Variants in STX7 observed in about 807,000 individuals in gnomAD.
STX7 encodes the protein syntaxin-7.
In STX7, 34 loss-of-function variants were observed where a neutral mutation model predicts 39.6. The ratio of observed to expected loss-of-function variants is 0.86; its 90% confidence interval spans 0.65 to 1.14. The LOEUF is 1.14. Among genes scored for constraint, STX7 ranks in the 50% most tolerant of loss-of-function variants. The pLI is 0.00. For missense variants in STX7, 284 were observed against 310.4 expected (o/e 0.92, Z 0.64); for synonymous variants, 119 against 99.1 (o/e 1.20, Z -1.19).
At chr6:132,463,598 T>A (rs1054095991) in intron 9 of STX7, among the ~76,000 whole-genome samples, 1 of 152,104 alleles carries the variant, frequency 6.6e-6, no homozygotes, top group African/African-American at 2.4e-5. Context: ...GCCTCTTTAG[T>A]CCAGTGTGTC....
chr6:132,468,921 A>G (rs531071770), intron 7 of STX7, among the ~76,000 whole-genome samples: 3 of 152,360 alleles, frequency 2.0e-5, no homozygotes, highest in Non-Finnish European at 2.9e-5. Context: ...GTGTAAATTT[A>G]AAGTCTCACA....
chr6:132,458,029 C>A lies in STX7; in HGVS notation c.*2729G>T, dbSNP rs902655039. On this transcript the variant is annotated 3_prime_UTR_variant, in exon 10 of 10. Coordinates refer to ENST00000367941, the MANE Select transcript of STX7 (RefSeq NM_003569.3). The stretch of plus-strand genomic sequence containing the variant: ...ACTATTTTGTACTTTCCTTGCTAAA[C>A]CACAGATGTATTTCATGGAAAGAGG... The A allele has an allele frequency of 2.0e-5, 3 of 152,120 alleles. No homozygotes were observed. Among genetic ancestry groups the A allele is most frequent in the Admixed American group, 2.0e-4 (3 of 15,276 alleles). The allele number at this position is 152,120 out of a possible 1,614,324, so 9.4% of individuals were successfully genotyped here. A position where few individuals can be genotyped will look rare whatever the true frequency, so the allele number is the denominator to read the frequency against.
intron 2 of STX7, among the ~76,000 whole-genome samples, chr6:132,485,407 T>C (rs1775108699): frequency 6.6e-6 from 1 of 152,256 alleles, no homozygotes; most frequent in Non-Finnish European, 1.5e-5. Flanking sequence ...CACTGTATGA[T>C]ACAACACTAT....
At chr6:132,476,264 G>A (rs1774871277) in intron 2 of STX7, among the ~76,000 whole-genome samples, 1 of 152,132 alleles carries the variant, frequency 6.6e-6, no homozygotes. Flanking sequence ...CAGTGAGAAT[G>A]GAAAAAACTG....
intron 3 of STX7, among the ~76,000 whole-genome samples, chr6:132,473,523 T>TG (rs1562325754): frequency 2.7e-5 from 4 of 150,610 alleles, no homozygotes; most frequent in African/African-American, 9.7e-5. Context: ...TTGTGTTGTT[T>TG]TTTTTTTTTT....
chr6:132,495,710 A>G (rs1203957306), intron 2 of STX7, among the ~76,000 whole-genome samples: 1 of 152,162 alleles, frequency 6.6e-6, no homozygotes, highest in Non-Finnish European at 1.5e-5. Flanking sequence ...TGCAAAAACA[A>G]GTGTCCCCTT....
intron 2 of STX7, among the ~76,000 whole-genome samples, chr6:132,502,771 C>T (rs752014231): frequency 5.9e-5 from 9 of 152,140 alleles, no homozygotes; most frequent in South Asian, 2.1e-4. Context: ...TGGTGGCGGG[C>T]GCCTGTAGTC....
intron 2 of STX7, among the ~76,000 whole-genome samples, chr6:132,478,719 A>ATGGATTTAC (rs1240664924): frequency 6.6e-6 from 1 of 152,212 alleles, no homozygotes; most frequent in African/African-American, 2.4e-5. Context: ...TCAAAATGTG[A>ATGGATTTAC]TGGATTTACT....
chr6:132,506,608 C>A (rs1032399197), intron 1 of STX7, among the ~76,000 whole-genome samples: 2 of 151,130 alleles, frequency 1.3e-5, no homozygotes, highest in Non-Finnish European at 3.0e-5. Flanking sequence ...ACATCTTGAA[C>A]GGAAAAAAAA....
rs963398074 is a variant in STX7, at chr6:132,456,411, T to A, written c.*4347A>T. The A allele has an allele frequency of 6.6e-6, 1 of 152,036 alleles. No homozygotes were observed. The highest frequency in any genetic ancestry group is 2.4e-5 in the African/African-American group (1 of 41,380). 9.4% of individuals were successfully genotyped at this position (152,036 alleles called of 1,614,324 possible). On this transcript the variant is annotated 3_prime_UTR_variant, in exon 10 of 10. Coordinates refer to ENST00000367941, the MANE Select transcript of STX7 (RefSeq NM_003569.3). Reference sequence around the variant, plus strand: ...ATATGCCAAATAACAAAACATAAACTCCCTGAGGGCAGGAAGCTTATTCTT... The same window carrying A: ...ATATGCCAAATAACAAAACATAAACACCCTGAGGGCAGGAAGCTTATTCTT...
intron 2 of STX7, among the ~76,000 whole-genome samples, chr6:132,476,843 T>C (rs375993095): frequency 3.9e-5 from 6 of 152,108 alleles, no homozygotes; most frequent in Non-Finnish European, 8.8e-5. Flanking sequence ...TTTATGTATG[T>C]GGGGACATAA....
chr6:132,475,402 C>A (rs921088007), intron 3 of STX7, 191 bp downstream of exon 3: 6 of 367,436 alleles, frequency 1.6e-5, no homozygotes, highest in Non-Finnish European at 2.4e-5. Context: ...TATAAAAACA[C>A]CTGCCTACTC....
Position 132,453,446 on chromosome 6 carries a change from G to C in STX7, c.*7312C>G, listed in dbSNP as rs535872009. 1 of 151,836 alleles carries C rather than the reference G, an allele frequency of 6.6e-6. No homozygotes were observed. The highest frequency in any genetic ancestry group is 2.1e-4 in the South Asian group (1 of 4,812). The allele number at this position is 151,836 out of a possible 1,614,324, so 9.4% of individuals were successfully genotyped here. ...TCTGCTCTGTGAAAGGCCCAGAAAA[G>C]AGAAATGAAAAGACATGCTACTGAC... On this transcript the variant is annotated 3_prime_UTR_variant, in exon 10 of 10. Transcript: ENST00000367941.
chr6:132,473,998 G>A (rs933507261), intron 3 of STX7, among the ~76,000 whole-genome samples: 16 of 151,576 alleles, frequency 1.1e-4, no homozygotes, highest in Non-Finnish European at 4.4e-5. Flanking sequence ...GGGAGGGTGA[G>A]GTGGGTGGAC....
chr6:132,504,639 T>C (rs1775653122), intron 1 of STX7, among the ~76,000 whole-genome samples: 1 of 152,144 alleles, frequency 6.6e-6, no homozygotes, highest in Non-Finnish European at 1.5e-5. Flanking sequence ...ACCTGGGAGA[T>C]GCAAACAAAA....
At chr6:132,471,917 C>T (rs1774733230) in intron 4 of STX7, among the ~76,000 whole-genome samples, 1 of 152,120 alleles carries the variant, frequency 6.6e-6, no homozygotes, top group Non-Finnish European at 1.5e-5. Flanking sequence ...GTAATAACTT[C>T]CATTAAATAA....
intron 2 of STX7, among the ~76,000 whole-genome samples, chr6:132,494,810 G>T (rs1348247695): frequency 2.0e-5 from 3 of 152,188 alleles, no homozygotes; most frequent in Non-Finnish European, 4.4e-5. Flanking sequence ...CAAGCTATAG[G>T]ATGACATGAT....
At chr6:132,498,197 A>G (rs1420071407) in intron 2 of STX7, among the ~76,000 whole-genome samples, 2 of 152,192 alleles carry the variant, frequency 1.3e-5, no homozygotes, top group Non-Finnish European at 2.9e-5. Flanking sequence ...ATAAAGTCAT[A>G]GTTTGTTATA....
chr6:132,449,017 A>C lies in STX7; in HGVS notation c.*11741T>G, dbSNP rs1352740171. The C allele has an allele frequency of 6.8e-6, 1 of 146,968 alleles. No homozygotes were observed. The highest frequency in any genetic ancestry group is 1.5e-5 in the Non-Finnish European group (1 of 66,970). 9.1% of individuals were successfully genotyped at this position (146,968 alleles called of 1,614,324 possible). On this transcript the variant is annotated 3_prime_UTR_variant, in exon 10 of 10. Transcript: ENST00000367941. ...TTTTGCTTCTTGTATATGTGGATCC[A>C]CTTTTTTTTTTTTTAGACAGGGTAC...
Sources: allele counts gnomAD v4.1 joint callset (sites outside exome capture counted in the v4.1 genomes callset), GRCh38; gene constraint gnomAD v4.1.1; transcripts MANE v1.5; gene names NCBI Gene and HGNC (gene_info 2026-07-23, HGNC 2026-07-21).